The following PRSS38 variants were observed in gnomAD, a reference collection of about 807,000 sequenced individuals.
PRSS38 encodes the protein marapsin 2.
Under a neutral mutation model 26.8 loss-of-function variants are expected in PRSS38, and 22 were observed. The observed-to-expected ratio is 0.82, with a 90% CI of 0.59 to 1.17. The LOEUF (loss-of-function observed/expected upper bound fraction) is 1.17. Ranked by LOEUF, PRSS38 falls within the 50% of genes most tolerant of loss-of-function variation. PRSS38 has a pLI of 0.00. For missense variants in PRSS38, 427 were observed against 422.7 expected, an observed-to-expected ratio of 1.01 and a Z score of -0.09; for synonymous variants, 175 against 172.1, an observed-to-expected ratio of 1.02 and a Z score of -0.13.
chr1:227,817,348 G>A lies in PRSS38; in HGVS notation c.451G>A (p.Val151Met), dbSNP rs769609550. The A allele has an allele frequency of 4.0e-5, 64 of 1,614,078 alleles. No homozygotes were observed. Among genetic ancestry groups the A allele is most frequent in the Non-Finnish European group, 5.3e-5 (62 of 1,180,050 alleles). ...GATGTACCACCCCATCGGAGGTGAC[G>A]TGGCCCTGGTGCAGCTGAAGACCCG... Residue 151 changes from valine (V) to methionine (M), a missense_variant, in exon 3 of 5, where the codon GTG (valine) becomes ATG (methionine). By Grantham distance (21) the Val-to-Met change is conservative. Transcript: ENST00000366757.
At chr1:227,821,887 T>C (rs972142060) in intron 3 of PRSS38, among the ~76,000 whole-genome samples, 6 of 152,178 alleles carry the variant, frequency 3.9e-5, no homozygotes, top group Non-Finnish European at 7.3e-5. Flanking sequence ...GATTGCAAAA[T>C]TTTGGACCAT....
At chr1:227,828,188 G>C (rs575944801) in intron 3 of PRSS38, among the ~76,000 whole-genome samples, 1 of 152,304 alleles carries the variant, frequency 6.6e-6, no homozygotes, top group Admixed American at 6.5e-5. Context: ...GGAGAGTTCT[G>C]TAAGTATCTA....
chr1:227,839,858 A>C (rs960230103), intron 3 of PRSS38, among the ~76,000 whole-genome samples: 2 of 152,180 alleles, frequency 1.3e-5, no homozygotes, highest in Non-Finnish European at 2.9e-5. Context: ...AATTCTTCCG[A>C]GGACTTAGCA....
intron 3 of PRSS38, among the ~76,000 whole-genome samples, chr1:227,824,069 C>G (rs1179122322): frequency 6.6e-6 from 1 of 151,518 alleles, no homozygotes; most frequent in Non-Finnish European, 1.5e-5. Flanking sequence ...TCTTTTTTTT[C>G]TTCAACTTTT....
In PRSS38 at chr1:227,816,237, C is replaced by A; in HGVS notation, c.296C>A (p.Ala99Glu). Residue 99 changes from alanine (A) to glutamate (E), a missense_variant, in exon 2 of 5, where the codon GCG (alanine) becomes GAG (glutamate). By Grantham distance (107) the Ala-to-Glu change is moderately radical. Transcript: ENST00000366757. This position sits in a 1 kb window ranked among gnomAD's most constrained non-coding sequence, Gnocchi z 5.1. ...AATGAGTACTGGGTGCTGTCAGCTGCGCACTGCTTTCACAGGTAAGCGGGC... is the reference window on the plus strand; with the variant it reads ...AATGAGTACTGGGTGCTGTCAGCTGAGCACTGCTTTCACAGGTAAGCGGGC... 2 of 1,612,214 alleles carry A rather than the reference C, an allele frequency of 1.2e-6. No homozygotes were observed. Among genetic ancestry groups the A allele is most frequent in the Non-Finnish European group, 1.7e-6 (2 of 1,178,624 alleles).
chr1:227,817,446 CTGGGCTACGGGA>C (rs1664940212), exon 3 of PRSS38: 1 of 1,614,056 alleles, frequency 6.2e-7, no homozygotes, highest in Admixed American at 1.7e-5. Flanking sequence ...GTGCCAATTG[CTGGGCTACGGGA>C]TGGGGACTAG....
intron 3 of PRSS38, among the ~76,000 whole-genome samples, chr1:227,833,767 T>C (rs905151000): frequency 2.6e-5 from 4 of 152,204 alleles, no homozygotes; most frequent in African/African-American, 9.7e-5. Flanking sequence ...AAGAATGAAG[T>C]TGGACCCTTA....
chr1:227,840,327 T>C (rs1196489460), intron 3 of PRSS38, among the ~76,000 whole-genome samples: 2 of 152,218 alleles, frequency 1.3e-5, no homozygotes, highest in East Asian at 3.9e-4. Flanking sequence ...CTCACTATGT[T>C]GCCCAGGCTG....
At chr1:227,839,026 G>A (rs1194151689) in intron 3 of PRSS38, among the ~76,000 whole-genome samples, 1 of 152,140 alleles carries the variant, frequency 6.6e-6, no homozygotes, top group Non-Finnish European at 1.5e-5. Context: ...TGTTCTGGCA[G>A]CACAAATTGG....
At chr1:227,823,650 T>C (rs1665032387) in intron 3 of PRSS38, among the ~76,000 whole-genome samples, 2 of 152,302 alleles carry the variant, frequency 1.3e-5, no homozygotes, top group Middle Eastern at 3.4e-3. Flanking sequence ...GCTGGACTAA[T>C]GTTTAAGAGC....
At chr1:227,837,706 C>A (rs1665258209) in intron 3 of PRSS38, among the ~76,000 whole-genome samples, 2 of 152,118 alleles carry the variant, frequency 1.3e-5, no homozygotes, top group African/African-American at 4.8e-5. Context: ...TTTTTCAATC[C>A]CGTGAGCAAT....
rs1190019128 is a variant in PRSS38 at position 227,816,220 on chromosome 1, C to G, written c.279C>G (p.Tyr93Ter). 1.2e-6 allele frequency: 2 copies of G among 1,613,488 alleles called. No homozygotes were observed. The highest frequency in any genetic ancestry group is 8.5e-7 in the Non-Finnish European group (1 of 1,179,650). ...GCGGCGGCTCCATCCTCAATGAGTACTGGGTGCTGTCAGCTGCGCACTGCT... is the reference window on the plus strand; with the variant it reads ...GCGGCGGCTCCATCCTCAATGAGTAGTGGGTGCTGTCAGCTGCGCACTGCT... The change falls in exon 2 of 5, where the codon TAC becomes TAG. Residue 93 changes from tyrosine to a stop codon, truncating the protein, a stop_gained. Coordinates refer to ENST00000366757, the Ensembl canonical transcript of PRSS38. LOFTEE classifies it high-confidence loss of function. The surrounding 1 kb of genome is among the most constrained non-coding windows in gnomAD (Gnocchi z 5.1).
intron 3 of PRSS38, among the ~76,000 whole-genome samples, chr1:227,827,065 C>A (rs1179296446): frequency 6.6e-6 from 1 of 152,120 alleles, no homozygotes; most frequent in African/African-American, 2.4e-5. Flanking sequence ...TGATGTGCTG[C>A]TGGATTCGGT....
At chr1:227,827,468 A>T (rs905237007) in intron 3 of PRSS38, among the ~76,000 whole-genome samples, 1 of 151,978 alleles carries the variant, frequency 6.6e-6, no homozygotes, top group Admixed American at 6.6e-5. Context: ...TTTTTAGTTT[A>T]TCTGCATAGA....
At chr1:227,818,548 T>C (rs1241767433) in intron 3 of PRSS38, among the ~76,000 whole-genome samples, 1 of 152,028 alleles carries the variant, frequency 6.6e-6, no homozygotes, top group Non-Finnish European at 1.5e-5. Flanking sequence ...CTTGACGGCA[T>C]GTGCCTGTAG....
At chr1:227,817,119 G>A (rs1254639038) in intron 2 of PRSS38, 90 bp from the exon 3 acceptor site, 2 of 1,364,274 alleles carry the variant, frequency 1.5e-6, no homozygotes, top group Non-Finnish European at 2.0e-6. Flanking sequence ...CACCGAGTGA[G>A]TGCCAGCCCC....
intron 3 of PRSS38, among the ~76,000 whole-genome samples, chr1:227,834,321 A>G (rs1665205558): frequency 6.6e-6 from 1 of 152,162 alleles, no homozygotes; most frequent in Non-Finnish European, 1.5e-5. Flanking sequence ...TAGGTCAAGA[A>G]ATCACAACCT....
chr1:227,828,676 G>T (rs1333693776), intron 3 of PRSS38, among the ~76,000 whole-genome samples: 1 of 152,204 alleles, frequency 6.6e-6, no homozygotes, highest in East Asian at 1.9e-4. Context: ...CTCAACAAAG[G>T]AGCACAGCTG....
chr1:227,823,065 G>A (rs1315910168), intron 3 of PRSS38, among the ~76,000 whole-genome samples: 1 of 152,080 alleles, frequency 6.6e-6, no homozygotes, highest in East Asian at 1.9e-4. Flanking sequence ...TTACCCAATA[G>A]GTAATTTCTC....
Sources: gnomAD v4.1 joint callset for allele counts (sites outside exome capture counted in the v4.1 genomes callset) on GRCh38, gnomAD v4.1.1 for gene constraint, Gnocchi (gnomAD v3.1) non-coding constraint, MANE v1.5 for transcripts, NCBI Gene and HGNC (gene_info 2026-07-23, HGNC 2026-07-21) for gene names.